PTPRD: variants seen among roughly 807,000 people sequenced by gnomAD.
The protein encoded by PTPRD is receptor-type tyrosine-protein phosphatase delta.
In PTPRD, 34 loss-of-function variants were observed where a neutral mutation model predicts 214.5. The observed-to-expected ratio is 0.16, with a 90% CI of 0.12 to 0.21. The LOEUF (loss-of-function observed/expected upper bound fraction) is 0.21. PTPRD is among the 10% of genes least tolerant of loss of function. The probability of loss-of-function intolerance (pLI) is 1.00; values close to 1 mark genes in which losing one functional copy is unlikely to be tolerated. For synonymous variants in PTPRD, 1,128 were observed against 845.7 expected (o/e 1.33, Z -5.79); for missense variants, 2,545 against 2,398.7 (o/e 1.06, Z -1.27).
chr9:9,890,639 A>G (rs1332438192), intron 5 of PTPRD, among the ~76,000 whole-genome samples: 1 of 152,082 alleles, frequency 6.6e-6, no homozygotes, highest in African/African-American at 2.4e-5. Context: ...GATGGGACTC[A>G]ATGAATGACC....
intron 3 of PTPRD, among the ~76,000 whole-genome samples, chr9:10,226,428 A>G (rs2154352804): frequency 6.6e-6 from 1 of 152,104 alleles, no homozygotes; most frequent in African/African-American, 2.4e-5. Context: ...GGTACAGAGA[A>G]AAAGAGGCTG....
At chr9:10,011,917 T>C (rs954644509) in intron 4 of PTPRD, among the ~76,000 whole-genome samples, 7 of 151,980 alleles carry the variant, frequency 4.6e-5, no homozygotes, top group African/African-American at 1.7e-4. Context: ...ATAGAGTCCC[T>C]TCCATTGTGT....
At chr9:8,383,748 G>A (rs1024095102) in intron 37 of PTPRD, among the ~76,000 whole-genome samples, 8 of 152,052 alleles carry the variant, frequency 5.3e-5, no homozygotes, top group African/African-American at 1.9e-4. Context: ...CATTTATAAC[G>A]CTAAGTACAT....
chr9:9,427,490 C>G (rs959810221), intron 8 of PTPRD, among the ~76,000 whole-genome samples: 1 of 152,104 alleles, frequency 6.6e-6, no homozygotes, highest in African/African-American at 2.4e-5. Flanking sequence ...AAACACTCTT[C>G]AGGATATTAT....
chr9:8,836,180 T>C (rs1415735086), intron 11 of PTPRD, among the ~76,000 whole-genome samples: 1 of 152,110 alleles, frequency 6.6e-6, no homozygotes, highest in East Asian at 1.9e-4. Flanking sequence ...AAAATAACAA[T>C]ATAATATAAC....
At chr9:9,583,385 T>C (rs925806546) in intron 7 of PTPRD, among the ~76,000 whole-genome samples, 6 of 152,062 alleles carry the variant, frequency 3.9e-5, no homozygotes, top group Non-Finnish European at 8.8e-5. Flanking sequence ...ATTAAAATGT[T>C]TGATGCTGTA....
rs533964180 is a variant in PTPRD at position 9,678,175 on chromosome 9, A to G, written c.-287+56358T>C. On this transcript the variant is annotated intron_variant, in intron 7 of 45. Transcript: ENST00000381196. ...AATTTATAGATTCAATGCCATCCCC[A>G]TCAAGCTACCAATGACTTTCTTCAC... is the stretch of plus-strand genomic sequence containing the variant. Among the ~76,000 whole-genome samples the G allele has an allele frequency of 2.6e-3, 396 of 152,276 alleles. 3 individuals are homozygous for G. Among genetic ancestry groups the G allele is most frequent in the African/African-American group, 8.9e-3 (369 of 41,576 alleles).
intron 5 of PTPRD, among the ~76,000 whole-genome samples, chr9:9,923,121 G>GTGTGTGT (rs1555340153): frequency 2.2e-5 from 1 of 45,342 alleles, no homozygotes; most frequent in Non-Finnish European, 3.3e-5. Flanking sequence ...GTGTGTGTGG[G>GTGTGTGT]GGGTGTGTGT....
intron 7 of PTPRD, among the ~76,000 whole-genome samples, chr9:9,604,148 G>C (rs2093988147): frequency 1.3e-5 from 2 of 151,876 alleles, no homozygotes; most frequent in East Asian, 1.9e-4. Flanking sequence ...TAGTTTTTCA[G>C]ATATTAGAAC....
intron 2 of PTPRD, among the ~76,000 whole-genome samples, chr9:10,576,632 G>A (rs2069457873): frequency 6.6e-6 from 1 of 151,602 alleles, no homozygotes. Context: ...TCTCATCACT[G>A]AAGCTTCAGC....
At position 9,726,608 on chromosome 9, in the gene PTPRD, T is replaced by C. The variant is rs918519335; in HGVS notation, c.-287+7925A>G. Among the ~76,000 whole-genome samples, 3 of 152,292 alleles carry C rather than the reference T, an allele frequency of 2.0e-5. No homozygotes were observed. The East Asian group carries it at 5.8e-4, about 29-fold the overall frequency. The stretch of plus-strand genomic sequence containing the variant: ...TTCATTTCAGGAATCTCAATCATCT[T>C]CCACTATTTCTCATTTGCAAAAATG... On this transcript the variant is annotated intron_variant, in intron 7 of 45. Transcript: ENST00000381196.
At chr9:8,688,284 T>G (rs992947968) in intron 12 of PTPRD, among the ~76,000 whole-genome samples, 1 of 152,134 alleles carries the variant, frequency 6.6e-6, no homozygotes, top group African/African-American at 2.4e-5. Flanking sequence ...AGGAAAAATA[T>G]AGCCAGGCGT....
intron 2 of PTPRD, among the ~76,000 whole-genome samples, chr9:10,366,464 G>A (rs1047424618): frequency 3.6e-4 from 55 of 152,108 alleles, no homozygotes; most frequent in Non-Finnish European, 5.7e-4. Context: ...GCCAAAAACT[G>A]TGGAATGAGC....
At position 8,316,583 on chromosome 9, in the gene PTPRD, A is replaced by C; in HGVS notation, c.*1291T>G. 4.3e-6 allele frequency: 1 copy of C among 231,160 alleles called. No homozygotes were observed. The highest frequency in any genetic ancestry group is 5.6e-5 in the Admixed American group (1 of 17,700). The allele number at this position is 231,160 out of a possible 1,614,324, so 14.3% of individuals were successfully genotyped here. ...ATTCTCCCCTCCTAAAGGGATATGC[A>C]CTGACCTTTCCCACATGCACACCTC... On this transcript the variant is annotated 3_prime_UTR_variant, in exon 46 of 46. Coordinates refer to ENST00000381196, the MANE Select transcript of PTPRD (RefSeq NM_002839.4).
At chr9:9,413,384 G>A (rs1339743073) in intron 8 of PTPRD, among the ~76,000 whole-genome samples, 2 of 151,818 alleles carry the variant, frequency 1.3e-5, no homozygotes, top group Non-Finnish European at 2.9e-5. Context: ...AAAGTGCTGG[G>A]ATTACAGGCG....
In PTPRD at chr9:8,376,646, C is replaced by T. The variant is rs192508712; in HGVS notation, c.4467G>A (p.Glu1489=). 1.2e-6 allele frequency: 2 copies of T among 1,613,062 alleles called. No homozygotes were observed. The highest frequency in any genetic ancestry group is 1.7e-6 in the Non-Finnish European group (2 of 1,179,354). ...ATGTTCGAACACAATATGTGGCCAG[C>T]TCCACAGTATCAAGCAGCGTTACTT... ...LVQVTLLDTV[E]LATYCVRTFA... Residue 1489 remains glutamate, a synonymous_variant, in exon 38 of 46, where the codon GAG becomes GAA. Transcript: ENST00000381196.
chr9:10,357,594 A>G (rs76743030), intron 2 of PTPRD, among the ~76,000 whole-genome samples: 2,318 of 152,312 alleles, frequency 0.015, 64 homozygotes, highest in African/African-American at 0.051. Flanking sequence ...ATACTGGTTT[A>G]ATATTAGCAT....
intron 7 of PTPRD, among the ~76,000 whole-genome samples, chr9:9,652,287 C>G (rs1399500563): frequency 6.6e-6 from 1 of 152,190 alleles, no homozygotes; most frequent in Admixed American, 6.5e-5. Flanking sequence ...GGTTCTTCTA[C>G]CTTGCCCATT....
chr9:9,974,501 G>A (rs2095279060), intron 4 of PTPRD, among the ~76,000 whole-genome samples: 1 of 152,060 alleles, frequency 6.6e-6, no homozygotes, highest in Non-Finnish European at 1.5e-5. Context: ...AGGTCACCTG[G>A]CATAAGGATA....
Sources: gnomAD v4.1 joint callset for allele counts (sites outside exome capture counted in the v4.1 genomes callset) on GRCh38, gnomAD v4.1.1 for gene constraint, MANE v1.5 for transcripts, NCBI Gene and HGNC (gene_info 2026-07-23, HGNC 2026-07-21) for gene names.